The following BDP1 variants were observed in gnomAD, a reference collection of about 807,000 sequenced individuals.
BDP1 encodes the protein transcription factor TFIIIB component B'' homolog.
A neutral mutation model predicts 266.6 loss-of-function variants in BDP1; 169 were observed. That is an observed-to-expected ratio of 0.63 (90% CI 0.56 to 0.72). BDP1 has a LOEUF of 0.72. BDP1 is among the 30% of genes least tolerant of loss of function. The pLI, the probability that BDP1 is intolerant of heterozygous loss-of-function variation, is 0.00. For synonymous variants in BDP1, 1,090 were observed against 1,022.4 expected, an observed-to-expected ratio of 1.07 and a Z score of -1.26; for missense variants, 3,015 against 3,053.8, an observed-to-expected ratio of 0.99 and a Z score of 0.30.
chr5:71,470,908 C>T (rs1166592337), intron 7 of BDP1, among the ~76,000 whole-genome samples: 1 of 148,412 alleles, frequency 6.7e-6, no homozygotes, highest in East Asian at 2.0e-4. Context: ...TTTTTTTAAA[C>T]TGTTATGATG....
At chr5:71,569,444 A>G (rs1744193340), downstream of BDP1, among the ~76,000 whole-genome samples, 1 of 151,930 alleles carries the variant, frequency 6.6e-6, no homozygotes, top group Non-Finnish European at 1.5e-5. Context: ...CCTGTTGCTA[A>G]AAAACATTAA....
At chr5:71,573,383 A>G in the BDP1 span, among the ~76,000 whole-genome samples, 1 of 152,206 alleles carries the variant, frequency 6.6e-6, no homozygotes, top group Admixed American at 6.5e-5. Context: ...CTCTGCTGCC[A>G]TAGCTGGAGA....
At chr5:71,465,959 A>G (rs1393779226) in intron 4 of BDP1, 137 bp from the exon 5 acceptor site, 5 of 861,646 alleles carry the variant, frequency 5.8e-6, no homozygotes, top group Non-Finnish European at 8.7e-6. Flanking sequence ...TTAATAACAC[A>G]TACTGTTTTC....
chr5:71,556,810 G>GA, intron 35 of BDP1, 76 bp from the exon 36 acceptor site: 2 of 691,182 alleles, frequency 2.9e-6, no homozygotes, highest in Non-Finnish European at 2.3e-6. Flanking sequence ...TTTACTTAAA[G>GA]AAAAAAAGGA....
At chr5:71,492,350 A>G (rs553766647) in intron 11 of BDP1, among the ~76,000 whole-genome samples, 1 of 152,302 alleles carries the variant, frequency 6.6e-6, no homozygotes, top group East Asian at 1.9e-4. Flanking sequence ...CATTTTACAT[A>G]ACCACCAACA....
At position 71,516,119 on chromosome 5, in the gene BDP1, C is replaced by T. The variant is rs2150490217; in HGVS notation, c.4708C>T (p.Arg1570Ter). 5 of 1,611,954 alleles carry T rather than the reference C, an allele frequency of 3.1e-6. No individual in the cohort carries two copies. The highest frequency in any genetic ancestry group is 4.2e-6 in the Non-Finnish European group (5 of 1,178,944). Residue 1570 changes from arginine to a stop codon, truncating the protein, a stop_gained, in exon 21 of 39, where the codon CGA becomes TGA. Coordinates refer to ENST00000358731, the MANE Select transcript of BDP1 (RefSeq NM_018429.3). LOFTEE classifies it high-confidence loss of function. Reference sequence around the variant, plus strand: ...GAAGGAAAGTGTTATCCAAACTGCTCGACAAGTAAGGGGCCGACTTCAGAG... The same window carrying T: ...GAAGGAAAGTGTTATCCAAACTGCTTGACAAGTAAGGGGCCGACTTCAGAG... ...EMKESVIQTA[R>*]QVRGRLQRPR...
chr5:71,466,568 T>G (rs1243390218), intron 5 of BDP1, among the ~76,000 whole-genome samples: 1 of 152,206 alleles, frequency 6.6e-6, no homozygotes, highest in Non-Finnish European at 1.5e-5. Flanking sequence ...ATTCAAGTTC[T>G]CATATTATTA....
rs70992972 is a variant in BDP1, at chr5:71,511,189, C to CT, written c.4059+44dup. 8.2e-5 allele frequency: 126 copies of CT among 1,543,140 alleles called. 1 individual carries two copies. In the African/African-American group the frequency reaches 1.6e-3, roughly 20 times the overall value. On this transcript the variant is annotated intron_variant, in intron 17 of 38. Coordinates refer to ENST00000358731, the MANE Select transcript of BDP1 (RefSeq NM_018429.3). ...CTGTCCTTTAAAAGTTTTTTGAATGCTTTTTTCAGAGGAAATAAATAATTC... is the reference window on the plus strand; with the variant it reads ...CTGTCCTTTAAAAGTTTTTTGAATGCTTTTTTTCAGAGGAAATAAATAATTC...
At chr5:71,569,500 A>G (rs983847353), downstream of BDP1, among the ~76,000 whole-genome samples, 1 of 152,080 alleles carries the variant, frequency 6.6e-6, no homozygotes, top group Non-Finnish European at 1.5e-5. Flanking sequence ...TAATCCTAGC[A>G]CTTTGGGAGG....
intron 16 of BDP1, among the ~76,000 whole-genome samples, chr5:71,506,344 T>G (rs1432241370): frequency 6.6e-6 from 1 of 152,174 alleles, no homozygotes; most frequent in African/African-American, 2.4e-5. Flanking sequence ...CAAAAGCAAT[T>G]CTAAGATTCT....
intron 22 of BDP1, among the ~76,000 whole-genome samples, chr5:71,519,506 T>C (rs979487383): frequency 6.6e-6 from 1 of 152,184 alleles, no homozygotes; most frequent in African/African-American, 2.4e-5. Context: ...TTCTAATCCC[T>C]ACCTCCATGA....
At chr5:71,495,640 T>A (rs1763844438) in intron 12 of BDP1, among the ~76,000 whole-genome samples, 3 of 152,198 alleles carry the variant, frequency 2.0e-5, no homozygotes, top group Non-Finnish European at 4.4e-5. Context: ...TATATAATAA[T>A]GATATGAATT....
chr5:71,459,734 C>T (rs1287015971), intron 2 of BDP1, among the ~76,000 whole-genome samples: 2 of 152,292 alleles, frequency 1.3e-5, no homozygotes, highest in East Asian at 3.9e-4. Context: ...CATTTCTTTA[C>T]TAGCTTTGTG....
intron 7 of BDP1, chr5:71,475,891 C>G (rs1762548849): frequency 6.6e-6 from 1 of 152,542 alleles, no homozygotes; most frequent in Non-Finnish European, 1.5e-5. Context: ...AAATCCTAGT[C>G]AGTCTTTGTG....
intron 13 of BDP1, 64 bp from the exon 14 acceptor site, chr5:71,501,498 T>A: frequency 9.7e-7 from 1 of 1,033,384 alleles, no homozygotes; most frequent in Non-Finnish European, 1.5e-6. Context: ...AATTTCCATT[T>A]GTTTATTACA....
At chr5:71,459,237 C>T (rs928134004) in intron 2 of BDP1, among the ~76,000 whole-genome samples, 19 of 152,216 alleles carry the variant, frequency 1.2e-4, no homozygotes, top group African/African-American at 3.9e-4. Flanking sequence ...ATAGGCCGGG[C>T]GTGGTGGCTC....
chr5:71,518,973 C>G (rs1285065927), intron 22 of BDP1, among the ~76,000 whole-genome samples: 1 of 150,232 alleles, frequency 6.7e-6, no homozygotes, highest in Non-Finnish European at 1.5e-5. Flanking sequence ...GCACCCACCA[C>G]CACACCCTAC....
At chr5:71,511,270 G>A in intron 17 of BDP1, 119 bp downstream of exon 17, 1 of 975,590 alleles carries the variant, frequency 1.0e-6, no homozygotes, top group South Asian at 1.7e-5. Flanking sequence ...AAAGTCTAAA[G>A]TCTTTTGTAG....
At chr5:71,509,379 G>A (rs1418694355) in intron 16 of BDP1, 86 bp from the exon 17 acceptor site, 1 of 1,400,752 alleles carries the variant, frequency 7.1e-7, no homozygotes, top group Non-Finnish European at 9.4e-7. Context: ...AGTTTCTGGT[G>A]TTTCTGTAGT....
Sources: allele counts gnomAD v4.1 joint callset (sites outside exome capture counted in the v4.1 genomes callset), GRCh38; gene constraint gnomAD v4.1.1; transcripts MANE v1.5; gene names NCBI Gene and HGNC (gene_info 2026-07-23, HGNC 2026-07-21).